BRIP1: variants seen among roughly 807,000 people sequenced by gnomAD.
BRIP1 encodes the protein Fanconi anemia group J protein.
Under a neutral mutation model 119.7 loss-of-function variants are expected in BRIP1, and 88 were observed. That is an observed-to-expected ratio of 0.74 (90% CI 0.62 to 0.88). BRIP1 has a LOEUF of 0.88. Among genes scored for constraint, BRIP1 ranks in the 40% least tolerant of loss-of-function variants. The probability of loss-of-function intolerance (pLI) is 0.00; values close to 1 mark genes in which losing one functional copy is unlikely to be tolerated. For synonymous variants in BRIP1, 443 were observed against 496.5 expected (o/e 0.89, Z 1.43); for missense variants, 1,259 against 1,455.4 (o/e 0.87, Z 2.20).
Position 61,822,610 on chromosome 17 carries a change from G to A in BRIP1, c.628-13853C>T, listed in dbSNP as rs2078343211. Among the ~76,000 whole-genome samples, 3 of 152,168 alleles carry A rather than the reference G, an allele frequency of 2.0e-5. No homozygotes were observed. The South Asian group carries it at 6.2e-4, about 31-fold the overall frequency. On this transcript the variant is annotated intron_variant, in intron 6 of 19. Coordinates refer to ENST00000259008, the MANE Select transcript of BRIP1 (RefSeq NM_032043.3). The surrounding 1 kb of genome is among the most constrained non-coding windows in gnomAD (Gnocchi z 4.4). ...CTATTGTTCAGAATATTAGATTAAG[G>A]AAAGAGCTGAGACAAGGTTTCCTTG...
intron 6 of BRIP1, among the ~76,000 whole-genome samples, chr17:61,837,152 A>C: frequency 6.6e-6 from 1 of 152,244 alleles, no homozygotes; most frequent in East Asian, 1.9e-4. Flanking sequence ...ACTCACATGA[A>C]CCTGTATTTG....
rs571759339 is a variant in BRIP1 at position 61,703,944 on chromosome 17, T to C, written c.2493-10432A>G. ...CAAATTCTTTGCCAAATCTGATGTTTAGAACAGTATTTCCTAGGTTTTCTT... is the reference window on the plus strand; with the variant it reads ...CAAATTCTTTGCCAAATCTGATGTTCAGAACAGTATTTCCTAGGTTTTCTT... On this transcript the variant is annotated intron_variant, in intron 17 of 19. Coordinates refer to ENST00000259008, the MANE Select transcript of BRIP1 (RefSeq NM_032043.3). The surrounding 1 kb of genome is among the most constrained non-coding windows in gnomAD (Gnocchi z 5.0). Among the ~76,000 whole-genome samples, 65 of 152,304 alleles carry C rather than the reference T, an allele frequency of 4.3e-4. No individual in the cohort carries two copies. The highest frequency in any genetic ancestry group is 1.6e-3 in the African/African-American group (65 of 41,562).
At position 61,706,218 on chromosome 17, in the gene BRIP1, A is replaced by C. The variant is rs1312268543; in HGVS notation, c.2492+9733T>G. ...AATTCTACTTTATCTGGTATTATACAGTTACTTGAGCTAGATCATTGGTAT... is the reference window on the plus strand; with the variant it reads ...AATTCTACTTTATCTGGTATTATACCGTTACTTGAGCTAGATCATTGGTAT... On this transcript the variant is annotated intron_variant, in intron 17 of 19. Transcript: ENST00000259008. The surrounding 1 kb of genome is among the most constrained non-coding windows in gnomAD (Gnocchi z 5.7). 6.6e-6 allele frequency among the ~76,000 whole-genome samples: 1 copy of C among 152,062 alleles called. No individual in the cohort carries two copies. The highest frequency in any genetic ancestry group is 1.5e-5 in the Non-Finnish European group (1 of 67,968).
intron 13 of BRIP1, among the ~76,000 whole-genome samples, chr17:61,779,481 A>G (rs28571892): frequency 0.75 from 114,249 of 152,086 alleles, 43,324 homozygotes; most frequent in East Asian, 0.82. Context: ...TGTGCCAGGC[A>G]TGGTGGCATA....
At position 61,685,890 on chromosome 17, in the gene BRIP1, T is replaced by C. The variant is rs730881626; in HGVS notation, c.2851A>G (p.Ile951Val). The change falls in exon 19 of 20, where the codon ATT (isoleucine) becomes GTT (valine). Residue 951 changes from isoleucine to valine, a missense_variant. Transcript: ENST00000259008. ...GGTAGAGGTGAATTTTTGGTAATAA[T>C]TTTAGGACACTGTAGTTCCTGGACA... ...ICVQELQCPK[I>V]ITKNSPLPSS... The C allele has an allele frequency of 6.2e-7, 1 of 1,613,882 alleles. No homozygotes were observed. Among genetic ancestry groups the C allele is most frequent in the Non-Finnish European group, 8.5e-7 (1 of 1,179,880 alleles).
intron 17 of BRIP1, among the ~76,000 whole-genome samples, chr17:61,707,915 C>T (rs532413461): frequency 1.3e-5 from 2 of 151,112 alleles, no homozygotes; most frequent in Middle Eastern, 3.4e-3. Flanking sequence ...GGTGCAATCT[C>T]GGCTCACTGC....
intron 16 of BRIP1, among the ~76,000 whole-genome samples, chr17:61,733,859 T>C (rs962148781): frequency 4.4e-5 from 3 of 68,294 alleles, no homozygotes; most frequent in Non-Finnish European, 7.2e-5. Context: ...ATTATTTTAA[T>C]CATTGTAAGG....
rs995910573 is a variant in BRIP1, at chr17:61,757,497, A to T, written c.2098-12906T>A. 1.3e-5 allele frequency among the ~76,000 whole-genome samples: 2 copies of T among 152,182 alleles called. No homozygotes were observed. The highest frequency in any genetic ancestry group is 4.8e-5 in the African/African-American group (2 of 41,448). ...AAAGGAACACTCTCTCTCATAAATT[A>T]GTTAAAATACTGAGGACTCTGAAAA... On this transcript the variant is annotated intron_variant, in intron 14 of 19. Transcript: ENST00000259008. This position sits in a 1 kb window ranked among gnomAD's most constrained non-coding sequence, Gnocchi z 4.3.
rs1049300475 is a variant in BRIP1, at chr17:61,831,305, C to T, written c.627+15796G>A. ...AAAGGAAGAAGTAAAACAGTATTTA[C>T]TAGAGAATGAAACATGCAACTTTGG... On this transcript the variant is annotated intron_variant, in intron 6 of 19. Transcript: ENST00000259008. The surrounding 1 kb of genome is among the most constrained non-coding windows in gnomAD (Gnocchi z 4.1). Among the ~76,000 whole-genome samples the T allele has an allele frequency of 6.6e-6, 1 of 152,112 alleles. No homozygotes were observed. Among genetic ancestry groups the T allele is most frequent in the African/African-American group, 2.4e-5 (1 of 41,416 alleles).
At chr17:61,696,641 C>T (rs185759513) in intron 17 of BRIP1, among the ~76,000 whole-genome samples, 5 of 147,538 alleles carry the variant, frequency 3.4e-5, no homozygotes, top group Admixed American at 6.8e-5. Context: ...GCTGAGATCA[C>T]GCCACTGCAT....
At chr17:61,838,179 T>C (rs924296916) in intron 6 of BRIP1, among the ~76,000 whole-genome samples, 3 of 152,138 alleles carry the variant, frequency 2.0e-5, no homozygotes, top group Non-Finnish European at 4.4e-5. Flanking sequence ...AATAAATATT[T>C]CTATTTAAAA....
chr17:61,701,682 G>T lies in BRIP1; in HGVS notation c.2493-8170C>A, dbSNP rs565572064. The stretch of plus-strand genomic sequence containing the variant: ...ACTTTAAAAGCTCTCTATGGACATT[G>T]CATTCCTCAGCTTTTCTCTTTACAT... On this transcript the variant is annotated intron_variant, in intron 17 of 19. Coordinates refer to ENST00000259008, the MANE Select transcript of BRIP1 (RefSeq NM_032043.3). This position sits in a 1 kb window ranked among gnomAD's most constrained non-coding sequence, Gnocchi z 5.1. Among the ~76,000 whole-genome samples the T allele has an allele frequency of 3.4e-4, 52 of 152,320 alleles. No individual in the cohort carries two copies. The highest frequency in any genetic ancestry group is 6.2e-4 in the Non-Finnish European group (42 of 68,030).
chr17:61,849,074 T>C (rs2145759672), intron 5 of BRIP1, 55 bp downstream of exon 5: 2 of 1,593,758 alleles, frequency 1.3e-6, no homozygotes, highest in Non-Finnish European at 1.7e-6. Flanking sequence ...GATACTTGAC[T>C]ACCATGTTCA....
At position 61,686,296 on chromosome 17, in the gene BRIP1, A is replaced by C. The variant is rs936772872; in HGVS notation, c.2576-131T>G. ...TTTTGAATATACAGAATGGTTCTCC[A>C]TATGTTTTTTCTGCAATTCAGCAAT... On this transcript the variant is annotated intron_variant, in intron 18 of 19. Transcript: ENST00000259008. The surrounding 1 kb of genome is among the most constrained non-coding windows in gnomAD (Gnocchi z 5.4). 2.3e-6 allele frequency: 2 copies of C among 861,204 alleles called. No individual in the cohort carries two copies. The highest frequency in any genetic ancestry group is 2.2e-5 in the Admixed American group (1 of 46,228). The allele number at this position is 861,204 out of a possible 1,614,324, so 53.3% of individuals were successfully genotyped here. A position where few individuals can be genotyped will look rare whatever the true frequency, so the allele number is the denominator to read the frequency against.
chr17:61,801,165 A>AG, intron 8 of BRIP1, 88 bp downstream of exon 8: 2 of 1,318,652 alleles, frequency 1.5e-6, no homozygotes, highest in Admixed American at 1.8e-5. Flanking sequence ...TTAAAGCAAA[A>AG]AAAATTAAAA....
intron 10 of BRIP1, among the ~76,000 whole-genome samples, chr17:61,785,374 C>T (rs1201527730): frequency 2.0e-5 from 3 of 151,986 alleles, no homozygotes; most frequent in Non-Finnish European, 4.4e-5. Flanking sequence ...AGAGTATGTT[C>T]CCCACATTGT....
intron 6 of BRIP1, among the ~76,000 whole-genome samples, chr17:61,813,017 T>C (rs185735867): frequency 5.9e-5 from 9 of 152,228 alleles, no homozygotes. Flanking sequence ...AAAATGAGCA[T>C]AGCAATTAAA....
intron 16 of BRIP1, among the ~76,000 whole-genome samples, chr17:61,731,166 T>C (rs1192151096): frequency 6.6e-6 from 1 of 152,168 alleles, no homozygotes; most frequent in Non-Finnish European, 1.5e-5. Flanking sequence ...TCTAGACTTT[T>C]AGAGGTGACA....
intron 6 of BRIP1, among the ~76,000 whole-genome samples, chr17:61,826,799 C>T (rs1238419980): frequency 7.0e-6 from 1 of 142,622 alleles, no homozygotes; most frequent in Non-Finnish European, 1.5e-5. Flanking sequence ...AAAAGGAACA[C>T]TTGCACACTA....
Sources: allele counts gnomAD v4.1 joint callset (sites outside exome capture counted in the v4.1 genomes callset), GRCh38; gene constraint gnomAD v4.1.1; non-coding constraint Gnocchi (gnomAD v3.1); transcripts MANE v1.5; gene names NCBI Gene and HGNC (gene_info 2026-07-23, HGNC 2026-07-21).